KASH5: variants seen among roughly 807,000 people sequenced by gnomAD.
The protein encoded by KASH5 is KASH domain containing 5, also known as protein KASH5.
A neutral mutation model predicts 84.2 loss-of-function variants in KASH5; 72 were observed. That is an observed-to-expected ratio of 0.85 (90% CI 0.71 to 1.04). The LOEUF (loss-of-function observed/expected upper bound fraction) is 1.04, where lower values mean the gene tolerates loss of function less well. KASH5 is among the 50% of genes least tolerant of loss of function. The pLI is 0.00. For missense variants in KASH5, 650 were observed against 701.0 expected (o/e 0.93, Z 0.82); for synonymous variants, 260 against 279.1 (o/e 0.93, Z 0.68).
chr19:49,399,376 G>A lies in KASH5; in HGVS notation c.748-81G>A. ...ACCCATTCCCCCAGGCCCTGGTTGT[G>A]TTTTCAGGGGTGGGAGAAGGGCAAC... On this transcript the variant is annotated intron_variant, in intron 8 of 19. Coordinates refer to ENST00000447857, the MANE Select transcript of KASH5 (RefSeq NM_144688.5). The surrounding 1 kb of genome is among the most constrained non-coding windows in gnomAD (Gnocchi z 4.4). 1.4e-6 allele frequency: 2 copies of A among 1,393,620 alleles called. No homozygotes were observed. Among genetic ancestry groups the A allele is most frequent in the South Asian group, 1.2e-5 (1 of 80,442 alleles). 86.3% of individuals were successfully genotyped at this position (1,393,620 alleles called of 1,614,324 possible). A position where few individuals can be genotyped will look rare whatever the true frequency, so the allele number is the denominator to read the frequency against.
chr19:49,415,400 G>T, intron 17 of KASH5: 1 of 317,924 alleles, frequency 3.1e-6, no homozygotes. Context: ...CAGCCCCCCT[G>T]CCTGCAGCCA....
At position 49,416,919 on chromosome 19, in the gene KASH5, C is replaced by T; in HGVS notation, c.1375-96C>T. On this transcript the variant is annotated intron_variant, in intron 17 of 19. Transcript: ENST00000447857. The surrounding 1 kb of genome is among the most constrained non-coding windows in gnomAD (Gnocchi z 5.4). ...GCACTCACTTATCTCCTGAGCTCCA[C>T]CACTTTCTATGTGGCCACTTGTGTC... 1 of 1,253,696 alleles carries T rather than the reference C, an allele frequency of 8.0e-7. No homozygotes were observed. The highest frequency in any genetic ancestry group is 1.1e-6 in the Non-Finnish European group (1 of 879,834). The allele number at this position is 1,253,696 out of a possible 1,614,324, so 77.7% of individuals were successfully genotyped here.
chr19:49,410,142 T>G (rs1974664668), intron 15 of KASH5, among the ~76,000 whole-genome samples: 1 of 152,236 alleles, frequency 6.6e-6, no homozygotes, highest in Non-Finnish European at 1.5e-5. Context: ...GTTGGTTTGT[T>G]TTTTAGAAAA....
intron 2 of KASH5, among the ~76,000 whole-genome samples, chr19:49,392,849 T>G (rs965488858): frequency 6.6e-6 from 1 of 151,444 alleles, no homozygotes; most frequent in African/African-American, 2.4e-5. Context: ...GAGGCAGAAG[T>G]TGCAGTGAGC....
intron 15 of KASH5, among the ~76,000 whole-genome samples, chr19:49,411,242 C>A (rs1490970694): frequency 4.6e-5 from 7 of 151,342 alleles, no homozygotes; most frequent in African/African-American, 1.7e-4. Flanking sequence ...TGGGCTCTCT[C>A]TCTATTTTTT....
At chr19:49,388,987 C>T (rs1264449818) in intron 1 of KASH5, among the ~76,000 whole-genome samples, 2 of 152,074 alleles carry the variant, frequency 1.3e-5, no homozygotes, top group Non-Finnish European at 1.5e-5. Flanking sequence ...ACCCCAGAAA[C>T]GGAGACCCCG....
At chr19:49,403,266 T>G (rs7256479) in intron 9 of KASH5, among the ~76,000 whole-genome samples, 1 of 151,896 alleles carries the variant, frequency 6.6e-6, no homozygotes, top group African/African-American at 2.4e-5. Flanking sequence ...CCAGCTACTC[T>G]GGAGGCTGAG....
chr19:49,407,149 G>C lies in KASH5; in HGVS notation c.877-91G>C, dbSNP rs566432841. The C allele has an allele frequency of 5.5e-5, 81 of 1,461,452 alleles. No individual in the cohort carries two copies. In the African/African-American group the frequency reaches 9.8e-4, roughly 18 times the overall value. 90.5% of individuals were successfully genotyped at this position (1,461,452 alleles called of 1,614,324 possible). A position where few individuals can be genotyped will look rare whatever the true frequency, so the allele number is the denominator to read the frequency against. ...ACATCTCAGGAGGCTGAATACGTGG[G>C]GGTGCGAGAGAACAGGTGGGGCCAG... is the stretch of plus-strand genomic sequence containing the variant. On this transcript the variant is annotated intron_variant, in intron 10 of 19. Coordinates refer to ENST00000447857, the MANE Select transcript of KASH5 (RefSeq NM_144688.5).
At chr19:49,406,739 T>G (rs1974538486) in intron 9 of KASH5, 147 bp from the exon 10 acceptor site, 3 of 693,440 alleles carry the variant, frequency 4.3e-6, no homozygotes, top group Non-Finnish European at 4.9e-6. Context: ...CCCACTGGAA[T>G]GGTTGGAGGA....
Position 49,388,253 on chromosome 19 carries a change from G to C in KASH5, c.-170G>C, listed in dbSNP as rs960810245. 2 of 152,258 alleles carry C rather than the reference G, an allele frequency of 1.3e-5. No individual in the cohort carries two copies. Among genetic ancestry groups the C allele is most frequent in the African/African-American group, 4.8e-5 (2 of 41,468 alleles). 9.4% of individuals were successfully genotyped at this position (152,258 alleles called of 1,614,324 possible). A position where few individuals can be genotyped will look rare whatever the true frequency, so the allele number is the denominator to read the frequency against. ...TTTTTCTGGCGGGAAAAGCTCACGC[G>C]CACCTCCCCCAACTCAACTGCCGTT... On this transcript the variant is annotated 5_prime_UTR_variant, in exon 1 of 20. Coordinates refer to ENST00000447857, the MANE Select transcript of KASH5 (RefSeq NM_144688.5).
chr19:49,406,552 T>C (rs1009327108), intron 9 of KASH5, among the ~76,000 whole-genome samples: 3 of 152,158 alleles, frequency 2.0e-5, no homozygotes, highest in Non-Finnish European at 4.4e-5. Flanking sequence ...AATTTTTTTA[T>C]TTTTAGTAGA....
Position 49,403,143 on chromosome 19 carries a change from G to A in KASH5, c.798+3636G>A, listed in dbSNP as rs578208041. Among the ~76,000 whole-genome samples, 10 of 152,294 alleles carry A rather than the reference G, an allele frequency of 6.6e-5. No homozygotes were observed. In the South Asian group the frequency reaches 2.1e-3, roughly 32 times the overall value. On this transcript the variant is annotated intron_variant, in intron 9 of 19. Coordinates refer to ENST00000447857, the MANE Select transcript of KASH5 (RefSeq NM_144688.5). ...GAGGCCGAGGCGGGCAGATCACAAGGTCAGGAGATCGAGACTATCCTGGCT... is the reference window on the plus strand; with the variant it reads ...GAGGCCGAGGCGGGCAGATCACAAGATCAGGAGATCGAGACTATCCTGGCT...
intron 11 of KASH5, 122 bp downstream of exon 11, chr19:49,407,418 G>A: frequency 8.3e-7 from 1 of 1,205,804 alleles, no homozygotes; most frequent in Non-Finnish European, 1.2e-6. Flanking sequence ...GGAGAGACTG[G>A]AGGGTTTCCC....
chr19:49,397,643 C>G lies in KASH5; in HGVS notation c.401-8C>G, dbSNP rs191308743. On this transcript the variant is annotated splice_polypyrimidine_tract_variant and splice_region_variant and intron_variant, in intron 5 of 19. Transcript: ENST00000447857. Reference sequence around the variant, plus strand: ...GAAGCCAACATTCTCTTGGCTCTCTCCCTCCAGGATGCCCAGAAGCTGAGG... The same window carrying G: ...GAAGCCAACATTCTCTTGGCTCTCTGCCTCCAGGATGCCCAGAAGCTGAGG... 1.9e-6 allele frequency: 3 copies of G among 1,613,730 alleles called. No individual in the cohort carries two copies. The highest frequency in any genetic ancestry group is 2.5e-6 in the Non-Finnish European group (3 of 1,179,696).
rs543710536 is a variant in KASH5, at chr19:49,405,244, G to A, written c.799-1642G>A. Among the ~76,000 whole-genome samples the A allele has an allele frequency of 1.5e-3, 231 of 152,100 alleles. 2 individuals carry two copies. The highest frequency in any genetic ancestry group is 3.4e-3 in the Middle Eastern group (1 of 294). On this transcript the variant is annotated intron_variant, in intron 9 of 19. Coordinates refer to ENST00000447857, the MANE Select transcript of KASH5 (RefSeq NM_144688.5). ...GACCAAGAAGGGTGGATTACCTGAG[G>A]TCAGAAGGTCAAGACCACCCTGGCC...
At chr19:49,406,706 C>G (rs1974537697) in intron 9 of KASH5, among the ~76,000 whole-genome samples, 180 bp from the exon 10 acceptor site, 2 of 152,042 alleles carry the variant, frequency 1.3e-5, no homozygotes, top group Non-Finnish European at 2.9e-5. Flanking sequence ...GGGAGCCACA[C>G]TCAAAGAAAT....
chr19:49,407,170 G>T (rs1974552913), intron 10 of KASH5, 70 bp from the exon 11 acceptor site: 1 of 1,560,510 alleles, frequency 6.4e-7, no homozygotes, highest in Non-Finnish European at 8.8e-7. Flanking sequence ...AACAGGTGGG[G>T]CCAGGTGGAG....
intron 2 of KASH5, chr19:49,393,353 G>A (rs1007441220): frequency 2.0e-5 from 3 of 152,232 alleles, no homozygotes; most frequent in African/African-American, 7.2e-5. Flanking sequence ...TAGGAAAGAG[G>A]TAACACCAAC....
Position 49,414,497 on chromosome 19 carries a change from T to G in KASH5, c.1329-454T>G, listed in dbSNP as rs1368930842. Reference sequence around the variant, plus strand: ...GGGGTCTTACAGAGGCCTGAATCTCTGGTATTTTGGAGGGTGAGAGAGCCA... The same window carrying G: ...GGGGTCTTACAGAGGCCTGAATCTCGGGTATTTTGGAGGGTGAGAGAGCCA... On this transcript the variant is annotated intron_variant, in intron 16 of 19. Coordinates refer to ENST00000447857, the MANE Select transcript of KASH5 (RefSeq NM_144688.5). This position sits in a 1 kb window ranked among gnomAD's most constrained non-coding sequence, Gnocchi z 4.5. Among the ~76,000 whole-genome samples the G allele has an allele frequency of 6.6e-6, 1 of 152,018 alleles. No homozygotes were observed. Among genetic ancestry groups the G allele is most frequent in the Non-Finnish European group, 1.5e-5 (1 of 67,992 alleles).
Sources: allele counts gnomAD v4.1 joint callset (sites outside exome capture counted in the v4.1 genomes callset), GRCh38; gene constraint gnomAD v4.1.1; non-coding constraint Gnocchi (gnomAD v3.1); transcripts MANE v1.5; gene names NCBI Gene and HGNC (gene_info 2026-07-23, HGNC 2026-07-21).